Variants in POU2AF2 observed in about 807,000 individuals in gnomAD.
POU2AF2 encodes POU domain class 2-associating factor 2.
the POU2AF2 span, chr11:111,285,812 G>T: frequency 6.2e-7 from 1 of 1,608,272 alleles, no homozygotes; most frequent in Non-Finnish European, 8.5e-7. Flanking sequence ...GTCATCCCTG[G>T]CTGGGGCTCA....
chr11:111,246,838 C>A, the POU2AF2 span, among the ~76,000 whole-genome samples: 1 of 152,120 alleles, frequency 6.6e-6, no homozygotes, highest in Non-Finnish European at 1.5e-5. Context: ...CTAAAATCTA[C>A]TTATTTAACA....
At chr11:111,275,126 A>G in the POU2AF2 span, among the ~76,000 whole-genome samples, 2 of 152,202 alleles carry the variant, frequency 1.3e-5, no homozygotes, top group Non-Finnish European at 2.9e-5. Flanking sequence ...GGAGTCATGG[A>G]AAAATAAAAG....
At chr11:111,261,286 CACACACATAATT>C in the POU2AF2 span, among the ~76,000 whole-genome samples, 11 of 150,132 alleles carry the variant, frequency 7.3e-5, no homozygotes, top group Admixed American at 2.7e-4. Context: ...CACACACACA[CACACACATAATT>C]AAGTTCTGAT....
the POU2AF2 span, among the ~76,000 whole-genome samples, chr11:111,268,296 C>T: frequency 6.6e-6 from 1 of 152,172 alleles, no homozygotes. Context: ...ACAGGAAATA[C>T]GGTCTTCTCT....
At chr11:111,276,186 A>G in the POU2AF2 span, among the ~76,000 whole-genome samples, 2 of 152,034 alleles carry the variant, frequency 1.3e-5, no homozygotes, top group African/African-American at 4.8e-5. Context: ...GATAAATAAA[A>G]AGAAATCTGC....
the POU2AF2 span, among the ~76,000 whole-genome samples, chr11:111,263,034 G>A: frequency 6.6e-6 from 1 of 151,740 alleles, no homozygotes; most frequent in South Asian, 2.1e-4. Context: ...GTTACTTTTT[G>A]TGGCAAAAGC....
chr11:111,247,081 G>A, the POU2AF2 span, among the ~76,000 whole-genome samples: 1 of 151,628 alleles, frequency 6.6e-6, no homozygotes, highest in South Asian at 2.1e-4. Flanking sequence ...TCCCTGTCTG[G>A]CTTGTTTCAC....
At chr11:111,265,575 A>G in the POU2AF2 span, among the ~76,000 whole-genome samples, 2 of 152,162 alleles carry the variant, frequency 1.3e-5, no homozygotes, top group East Asian at 3.9e-4. Context: ...GTGAAATTTG[A>G]TAATGTCTAC....
chr11:111,284,275 G>C, the POU2AF2 span: 11 of 1,613,856 alleles, frequency 6.8e-6, no homozygotes, highest in Admixed American at 1.7e-5. Flanking sequence ...GAGACTACCG[G>C]CCTCCGGCGC....
At chr11:111,282,317 A>G in the POU2AF2 span, among the ~76,000 whole-genome samples, 1 of 152,214 alleles carries the variant, frequency 6.6e-6, no homozygotes, top group Admixed American at 6.5e-5. Context: ...TATGAAACAG[A>G]ACCTTATTTA....
At chr11:111,276,533 T>C in the POU2AF2 span, among the ~76,000 whole-genome samples, 11 of 141,160 alleles carry the variant, frequency 7.8e-5, no homozygotes, top group East Asian at 2.4e-3. Context: ...TCCCAACTAC[T>C]TGGGAGGCTG....
At chr11:111,262,880 A>G in the POU2AF2 span, among the ~76,000 whole-genome samples, 1 of 152,242 alleles carries the variant, frequency 6.6e-6, no homozygotes, top group Non-Finnish European at 1.5e-5. Context: ...AGTGAAGCAA[A>G]TTAATACATC....
the POU2AF2 span, among the ~76,000 whole-genome samples, chr11:111,250,348 TAA>T: frequency 1.3e-5 from 2 of 152,220 alleles, no homozygotes; most frequent in African/African-American, 2.4e-5. Flanking sequence ...CCAAAAAATA[TAA>T]GAGTCATAGT....
At chr11:111,275,448 A>T in the POU2AF2 span, among the ~76,000 whole-genome samples, 1 of 152,194 alleles carries the variant, frequency 6.6e-6, no homozygotes, top group African/African-American at 2.4e-5. Context: ...ACATGTGAAG[A>T]CTGGTTCTTG....
chr11:111,259,644 A>G, the POU2AF2 span, among the ~76,000 whole-genome samples: 1 of 152,214 alleles, frequency 6.6e-6, no homozygotes, highest in Non-Finnish European at 1.5e-5. Flanking sequence ...GGAATGGCCA[A>G]AGGGGACTAG....
chr11:111,247,373 G>T, the POU2AF2 span, among the ~76,000 whole-genome samples: 3 of 152,170 alleles, frequency 2.0e-5, no homozygotes, highest in Admixed American at 6.5e-5. Context: ...AGCTATGAAG[G>T]TACATTGGGA....
the POU2AF2 span, among the ~76,000 whole-genome samples, chr11:111,284,910 A>C: frequency 6.6e-6 from 1 of 152,204 alleles, no homozygotes; most frequent in African/African-American, 2.4e-5. Flanking sequence ...GAAGATTGCT[A>C]ATGCTCATAG....
chr11:111,252,194 A>C, the POU2AF2 span, among the ~76,000 whole-genome samples: 1 of 152,110 alleles, frequency 6.6e-6, no homozygotes, highest in South Asian at 2.1e-4. Flanking sequence ...AGTCAGTCAG[A>C]TACTCCCCCT....
At chr11:111,259,463 G>C in the POU2AF2 span, among the ~76,000 whole-genome samples, 2 of 152,040 alleles carry the variant, frequency 1.3e-5, no homozygotes, top group African/African-American at 4.8e-5. Context: ...TTACAGGTGT[G>C]TGCCACCATG....
Sources: gnomAD v4.1 joint callset for allele counts (sites outside exome capture counted in the v4.1 genomes callset) on GRCh38, gnomAD v4.1.1 for gene constraint, MANE v1.5 for transcripts, NCBI Gene and HGNC (gene_info 2026-07-23, HGNC 2026-07-21) for gene names.